Variants in ATP11C observed in about 807,000 individuals in gnomAD.
ATP11C encodes phospholipid-transporting ATPase IG.
Under a neutral mutation model 97.4 loss-of-function variants are expected in ATP11C, and 36 were observed. That is an observed-to-expected ratio of 0.37 (90% CI 0.28 to 0.49). ATP11C has a LOEUF of 0.49. Among genes scored for constraint, ATP11C ranks in the 20% least tolerant of loss-of-function variants. The pLI is 0.98. For synonymous variants in ATP11C, 275 were observed against 290.9 expected (o/e 0.95, Z 0.56); for missense variants, 730 against 824.6 (o/e 0.89, Z 1.40).
intron 1 of ATP11C, among the ~76,000 whole-genome samples, chrX:139,869,619 TAAA>T (rs72160192): frequency 3.7e-5 from 2 of 54,181 alleles, no homozygotes. Flanking sequence ...CCCTCTCTAC[TAAA>T]AAAAAAAAAA....
In ATP11C at chrX:139,820,015, G is replaced by A. The variant is rs1027873735; in HGVS notation, c.148-588C>T. Among the ~76,000 whole-genome samples, 100 of 111,450 alleles carry A rather than the reference G, an allele frequency of 9.0e-4. 1 individual carries two copies. Among genetic ancestry groups the A allele is most frequent in the African/African-American group, 3.1e-3 (94 of 30,598 alleles). On this transcript the variant is annotated intron_variant, in intron 2 of 29. Transcript: ENST00000682941. ...AGCCTGGCCAACATGGCAAAACCCT[G>A]TCTCTACTAAAAATAACAAAAATTA...
intron 23 of ATP11C, among the ~76,000 whole-genome samples, 164 bp downstream of exon 23, chrX:139,757,641 CAAT>C (rs2081963726): frequency 1.8e-5 from 2 of 111,826 alleles, no homozygotes; most frequent in South Asian, 3.7e-4. Context: ...ATGAAGGTAA[CAAT>C]AAGAAAACTA....
intron 1 of ATP11C, among the ~76,000 whole-genome samples, chrX:139,929,542 C>T (rs1653955419): frequency 9.0e-6 from 1 of 111,493 alleles, no homozygotes; most frequent in African/African-American, 3.3e-5. Flanking sequence ...ATAAAGGAAG[C>T]ACTTCTCTAA....
intron 27 of ATP11C, among the ~76,000 whole-genome samples, chrX:139,739,226 T>C (rs1044994088): frequency 3.6e-5 from 4 of 110,729 alleles, no homozygotes; most frequent in Non-Finnish European, 7.6e-5. Flanking sequence ...AGATGACAAA[T>C]GGCAGCTAGT....
chrX:139,863,325 G>C (rs765432471), intron 1 of ATP11C, among the ~76,000 whole-genome samples: 9 of 111,894 alleles, frequency 8.0e-5, no homozygotes, highest in Non-Finnish European at 1.7e-4. Flanking sequence ...TTGAGGTCAG[G>C]AGTTCGAGAC....
chrX:139,797,377 T>C (rs1165736224), intron 10 of ATP11C, 51 bp from the exon 11 acceptor site: 1 of 951,543 alleles, frequency 1.1e-6, no homozygotes, highest in African/African-American at 2.0e-5. Flanking sequence ...CAGTCAGATA[T>C]GAATTAAACT....
chrX:139,810,496 G>T (rs1004035750), intron 5 of ATP11C, among the ~76,000 whole-genome samples: 12 of 111,613 alleles, frequency 1.1e-4, no homozygotes, highest in African/African-American at 2.9e-4. Flanking sequence ...CAAATATTTA[G>T]AAATTACATA....
Position 139,757,227 on chromosome X carries a change from T to C in ATP11C, c.2700+581A>G, listed in dbSNP as rs771610823. Among the ~76,000 whole-genome samples the C allele has an allele frequency of 4.5e-5, 5 of 111,496 alleles. No individual in the cohort carries two copies. The South Asian group carries it at 1.9e-3, about 42-fold the overall frequency. On this transcript the variant is annotated intron_variant, in intron 23 of 29. Coordinates refer to ENST00000682941, the MANE Select transcript of ATP11C (RefSeq NM_001353812.2). ...GAGTACTATAGCTCCTGTATTTCGC[T>C]GTATTTCGCTATACCTCCCACTAGA...
At chrX:139,769,616 C>A (rs1026330139) in intron 19 of ATP11C, among the ~76,000 whole-genome samples, 4 of 109,867 alleles carry the variant, frequency 3.6e-5, no homozygotes, top group African/African-American at 1.3e-4. Flanking sequence ...TGAGAAAATT[C>A]TGCCAATTAA....
At chrX:139,738,182 A>C (rs1403327251) in intron 27 of ATP11C, 113 bp from the exon 28 acceptor site, 3 of 530,263 alleles carry the variant, frequency 5.7e-6, no homozygotes, top group Non-Finnish European at 8.1e-6. Context: ...TACATACATT[A>C]ATAAAAATAA....
At chrX:139,768,672 A>G (rs930805621) in intron 19 of ATP11C, among the ~76,000 whole-genome samples, 5 of 110,864 alleles carry the variant, frequency 4.5e-5, no homozygotes, top group African/African-American at 1.3e-4. Flanking sequence ...TAAAAGGTCA[A>G]CTTGGTGAGG....
At chrX:139,840,849 CA>C (rs113679557) in intron 1 of ATP11C, among the ~76,000 whole-genome samples, 23 of 100,563 alleles carry the variant, frequency 2.3e-4, no homozygotes, top group South Asian at 4.3e-4. Context: ...AAGTCTCATA[CA>C]AAAAAAAAAG....
At chrX:139,845,610 T>C (rs2083896221) in intron 1 of ATP11C, among the ~76,000 whole-genome samples, 1 of 111,849 alleles carries the variant, frequency 8.9e-6, no homozygotes, top group Admixed American at 9.5e-5. Context: ...CAATTAAGTT[T>C]ACATCAATCA....
intron 1 of ATP11C, among the ~76,000 whole-genome samples, chrX:139,900,627 G>A (rs2084885612): frequency 8.9e-6 from 1 of 111,930 alleles, no homozygotes; most frequent in Non-Finnish European, 1.9e-5. Context: ...CTTGTTTACA[G>A]TTCAGTTGGT....
chrX:139,918,338 C>T (rs1445697643), intron 1 of ATP11C, among the ~76,000 whole-genome samples: 1 of 111,650 alleles, frequency 9.0e-6, no homozygotes, highest in African/African-American at 3.3e-5. Context: ...TCAGGCCAGG[C>T]ATGTGGCTCA....
At chrX:139,835,173 A>G (rs2083727926) in intron 1 of ATP11C, among the ~76,000 whole-genome samples, 1 of 111,898 alleles carries the variant, frequency 8.9e-6, no homozygotes. Context: ...ATTTCTATCC[A>G]TGTATGCCAA....
chrX:139,806,081 A>C (rs950290931), intron 5 of ATP11C, among the ~76,000 whole-genome samples: 1 of 111,794 alleles, frequency 8.9e-6, no homozygotes, highest in Non-Finnish European at 1.9e-5. Context: ...TGATAAATAA[A>C]ACACACAAAG....
intron 1 of ATP11C, among the ~76,000 whole-genome samples, chrX:139,897,287 T>C (rs1465689900): frequency 9.0e-6 from 1 of 111,710 alleles, no homozygotes; most frequent in Non-Finnish European, 1.9e-5. Flanking sequence ...ACATCTATTA[T>C]GTATCAATAA....
rs1224266996 is a variant in ATP11C, at chrX:139,874,069, G to C, written c.28-47246C>G. ...GGTTTTTTTTTTTTTTTTAAACAGA[G>C]TCTCGCTCTGTCACCCAGGCTGGAG... On this transcript the variant is annotated intron_variant, in intron 1 of 29. Coordinates refer to ENST00000682941, the MANE Select transcript of ATP11C (RefSeq NM_001353812.2). 4.8e-5 allele frequency among the ~76,000 whole-genome samples: 5 copies of C among 104,350 alleles called. No homozygotes were observed. In the East Asian group the frequency reaches 1.5e-3, roughly 32 times the overall value. The allele number at this position is 104,350 out of a possible 115,157, so 90.6% of individuals were successfully genotyped here.
Sources: allele counts gnomAD v4.1 joint callset (sites outside exome capture counted in the v4.1 genomes callset), GRCh38; gene constraint gnomAD v4.1.1; transcripts MANE v1.5; gene names NCBI Gene and HGNC (gene_info 2026-07-23, HGNC 2026-07-21).